NRG1: variants seen among roughly 807,000 people sequenced by gnomAD.
NRG1 encodes the protein neuregulin 1.
A neutral mutation model predicts 63.8 loss-of-function variants in NRG1; 18 were observed. The observed-to-expected ratio is 0.28, with a 90% CI of 0.19 to 0.42. The LOEUF (loss-of-function observed/expected upper bound fraction) is 0.42, where lower values mean the gene tolerates loss of function less well. Among genes scored for constraint, NRG1 ranks in the 10% least tolerant of loss-of-function variants. NRG1 has a pLI of 1.00. For synonymous variants in NRG1, 302 were observed against 301.3 expected, an observed-to-expected ratio of 1.00 and a Z score of -0.02; for missense variants, 762 against 814.7, an observed-to-expected ratio of 0.94 and a Z score of 0.79.
chr8:31,706,830 C>T (rs1165122199), intron 1 of NRG1, among the ~76,000 whole-genome samples: 2 of 151,980 alleles, frequency 1.3e-5, no homozygotes, highest in African/African-American at 4.8e-5. Flanking sequence ...GAGTGATGTT[C>T]CTCTATACAT....
chr8:32,652,526 T>C (rs554427031), intron 5 of NRG1, among the ~76,000 whole-genome samples: 1 of 152,328 alleles, frequency 6.6e-6, no homozygotes, highest in Admixed American at 6.5e-5. Flanking sequence ...ATTGACTCTT[T>C]TTTATTTTTG....
chr8:32,722,371 G>A (rs1820879405), intron 5 of NRG1, among the ~76,000 whole-genome samples: 1 of 152,068 alleles, frequency 6.6e-6, no homozygotes, highest in South Asian at 2.1e-4. Flanking sequence ...CACTGATAAG[G>A]AAAACACCAC....
chr8:32,221,317 G>T (rs533484364), intron 1 of NRG1, among the ~76,000 whole-genome samples: 1 of 152,130 alleles, frequency 6.6e-6, no homozygotes, highest in Admixed American at 6.5e-5. Flanking sequence ...TCCTTTACCT[G>T]TCTTGATGCA....
chr8:31,931,254 A>G (rs1482393261), intron 1 of NRG1, among the ~76,000 whole-genome samples: 1 of 152,112 alleles, frequency 6.6e-6, no homozygotes, highest in Non-Finnish European at 1.5e-5. Context: ...GATGATTGCT[A>G]CCATATACTT....
chr8:31,731,414 T>TCGTACA (rs1554517423), intron 1 of NRG1, among the ~76,000 whole-genome samples: 1 of 87,756 alleles, frequency 1.1e-5, no homozygotes, highest in East Asian at 4.5e-4. Context: ...CAAAATTATG[T>TCGTACA]CATACACACA....
intron 1 of NRG1, among the ~76,000 whole-genome samples, chr8:32,151,250 G>C (rs4733298): frequency 0.77 from 117,651 of 152,048 alleles, 46,431 homozygotes; most frequent in African/African-American, 0.91. Context: ...TAGAGGCTAC[G>C]TGGATAGAAG....
At chr8:32,022,587 G>A (rs549659861) in intron 1 of NRG1, among the ~76,000 whole-genome samples, 2 of 152,116 alleles carry the variant, frequency 1.3e-5, no homozygotes, top group South Asian at 2.1e-4. Context: ...CAAGGGAGAG[G>A]GAACTATTCA....
At chr8:31,857,782 A>G (rs1828064307) in intron 1 of NRG1, among the ~76,000 whole-genome samples, 1 of 152,240 alleles carries the variant, frequency 6.6e-6, no homozygotes, top group Non-Finnish European at 1.5e-5. Context: ...AAGCAAATTC[A>G]AGCAATTTCC....
intron 1 of NRG1, among the ~76,000 whole-genome samples, chr8:31,892,598 A>G (rs1226987885): frequency 6.6e-6 from 1 of 152,110 alleles, no homozygotes; most frequent in African/African-American, 2.4e-5. Context: ...ATAGCCTACC[A>G]CTTTCATTAC....
intron 1 of NRG1, among the ~76,000 whole-genome samples, chr8:32,321,124 G>GAAAATTA (rs1049174632): frequency 2.0e-5 from 3 of 152,046 alleles, no homozygotes; most frequent in Non-Finnish European, 4.4e-5. Flanking sequence ...AAGATACCAT[G>GAAAATTA]AAAATTACAA....
rs764340326 is a variant in NRG1, at chr8:32,399,793, T to TAATCC, written c.38-196035_38-196034insAATCC. On this transcript the variant is annotated intron_variant, in intron 1 of 10. Coordinates refer to the NRG1 transcript ENST00000519301. ...CTGTAATTCTTTTTATTATCAAATA[T>TAATCC]CAGGTATTATAGGGTATAAGCCAGT... Among the ~76,000 whole-genome samples, 4 of 152,222 alleles carry TAATCC rather than the reference T, an allele frequency of 2.6e-5. No individual in the cohort carries two copies. In the East Asian group the frequency reaches 5.8e-4, roughly 22 times the overall value.
intron 1 of NRG1, among the ~76,000 whole-genome samples, chr8:32,294,254 A>G (rs560857251): frequency 2.6e-5 from 4 of 152,126 alleles, no homozygotes; most frequent in Non-Finnish European, 5.9e-5. Context: ...TTGGGCAGAA[A>G]ACGCATTTTA....
rs534561337 is a variant in NRG1, at chr8:31,885,722, C to G, written c.37+246291C>G. Among the ~76,000 whole-genome samples, 9 of 152,062 alleles carry G rather than the reference C, an allele frequency of 5.9e-5. No homozygotes were observed. In the South Asian group the frequency reaches 1.9e-3, roughly 32 times the overall value. Reference sequence around the variant, plus strand: ...AGTATGTCCTGATTTTTTGCTAAATCCTGGGAAAAATGAAAAGAGTCTTCC... The same window carrying G: ...AGTATGTCCTGATTTTTTGCTAAATGCTGGGAAAAATGAAAAGAGTCTTCC... On this transcript the variant is annotated intron_variant, in intron 1 of 10. Coordinates refer to the NRG1 transcript ENST00000519301.
intron 1 of NRG1, among the ~76,000 whole-genome samples, chr8:32,343,722 G>C: frequency 6.6e-6 from 1 of 152,188 alleles, no homozygotes; most frequent in East Asian, 1.9e-4. Flanking sequence ...AAGATTTGCT[G>C]ATCAAAGATG....
intron 1 of NRG1, among the ~76,000 whole-genome samples, chr8:32,528,953 C>G (rs569375226): frequency 1.6e-4 from 24 of 152,262 alleles, no homozygotes; most frequent in African/African-American, 3.9e-4. Flanking sequence ...ACAACGATAG[C>G]TTTATAGAAT....
chr8:31,996,092 G>C (rs935055718), intron 1 of NRG1, among the ~76,000 whole-genome samples: 11 of 151,420 alleles, frequency 7.3e-5, no homozygotes, highest in African/African-American at 2.2e-4. Context: ...CGTCTGCACT[G>C]TTATGTACCT....
intron 1 of NRG1, among the ~76,000 whole-genome samples, chr8:32,199,978 C>T (rs1199069593): frequency 6.6e-6 from 1 of 152,084 alleles, no homozygotes; most frequent in Non-Finnish European, 1.5e-5. Context: ...AGGATTTCAC[C>T]ATGTTGGCCA....
At chr8:31,972,685 T>C (rs1807499012) in intron 1 of NRG1, among the ~76,000 whole-genome samples, 1 of 152,118 alleles carries the variant, frequency 6.6e-6, no homozygotes, top group African/African-American at 2.4e-5. Flanking sequence ...AGGTCTCTCA[T>C]CGCCCTTCAC....
chr8:32,153,274 A>G (rs573492172), intron 1 of NRG1, among the ~76,000 whole-genome samples: 1 of 152,306 alleles, frequency 6.6e-6, no homozygotes, highest in African/African-American at 2.4e-5. Flanking sequence ...CAGGAGGTCC[A>G]TACTCTTGAT....
Sources: gnomAD v4.1 joint callset for allele counts (sites outside exome capture counted in the v4.1 genomes callset) on GRCh38, gnomAD v4.1.1 for gene constraint, MANE v1.5 for transcripts, NCBI Gene and HGNC (gene_info 2026-07-23, HGNC 2026-07-21) for gene names.